SLC11A2: variants seen among roughly 807,000 people sequenced by gnomAD.
The protein encoded by SLC11A2 is solute carrier family 11 member 2.
Under a neutral mutation model 68.0 loss-of-function variants are expected in SLC11A2, and 38 were observed. That is an observed-to-expected ratio of 0.56 (90% CI 0.43 to 0.73). The LOEUF (loss-of-function observed/expected upper bound fraction) is 0.73. Among genes scored for constraint, SLC11A2 ranks in the 30% least tolerant of loss-of-function variants. SLC11A2 has a pLI of 0.00. For missense variants in SLC11A2, 517 were observed against 690.5 expected (o/e 0.75, Z 2.82); for synonymous variants, 242 against 250.6 (o/e 0.97, Z 0.32).
intron 1 of SLC11A2, among the ~76,000 whole-genome samples, chr12:51,015,952 T>C (rs1209464391): frequency 5.3e-5 from 8 of 152,166 alleles, no homozygotes; most frequent in Admixed American, 5.2e-4. Context: ...GCCCGGCTAA[T>C]TTTTGTATTT....
In SLC11A2 at chr12:51,005,435, T is replaced by C. The variant is rs752318995; in HGVS notation, c.185A>G (p.Tyr62Cys). ...NEKISIPEEEYSCFSFRKLWA... is the reference protein window; with the variant it reads ...NEKISIPEEECSCFSFRKLWA... ...GAGTTTACGAAAGCTAAAACAAGAG[T>C]ACTGTACAAGAGAGGAAAAGAGATT... Residue 62 changes from tyrosine (Y) to cysteine (C), a missense_variant and splice_region_variant, in exon 4 of 16, where the codon TAC (tyrosine) becomes TGC (cysteine). Transcript: ENST00000262052. The C allele has an allele frequency of 1.2e-6, 2 of 1,613,362 alleles. No individual in the cohort carries two copies. The highest frequency in any genetic ancestry group is 1.7e-5 in the Admixed American group (1 of 59,932).
At chr12:50,982,982 A>C (rs1480612858), downstream of SLC11A2, among the ~76,000 whole-genome samples, 1 of 150,928 alleles carries the variant, frequency 6.6e-6, no homozygotes, top group Non-Finnish European at 1.5e-5. Flanking sequence ...CTCCACTCCT[A>C]AAGAACTGAG....
intron 3 of SLC11A2, 195 bp downstream of exon 3, chr12:51,008,281 G>GACAT (rs201140421): frequency 0.066 from 34,901 of 530,970 alleles, 2,700 homozygotes; most frequent in East Asian, 0.27. Flanking sequence ...CAGACAGACA[G>GACAT]AGATAGATAG....
intron 5 of SLC11A2, among the ~76,000 whole-genome samples, chr12:51,003,760 T>G (rs1592374045): frequency 8.9e-6 from 1 of 112,510 alleles, no homozygotes; most frequent in South Asian, 2.7e-4. Flanking sequence ...ATACCTCATC[T>G]CCACAAAAAA....
Position 50,986,013 on chromosome 12 carries a change from T to A in SLC11A2, c.*2312A>T, listed in dbSNP as rs754201482. 24 of 1,159,760 alleles carry A rather than the reference T, an allele frequency of 2.1e-5. No homozygotes were observed. The highest frequency in any genetic ancestry group is 1.3e-4 in the Admixed American group (3 of 23,968). 71.8% of individuals were successfully genotyped at this position (1,159,760 alleles called of 1,614,324 possible). ...CAAATTGGAAAAAGAAATTTTTTTT[T>A]AATTAGAAACCAAGTTTACATACGG... On this transcript the variant is annotated 3_prime_UTR_variant, in exon 16 of 16. Coordinates refer to ENST00000262052, the MANE Select transcript of SLC11A2 (RefSeq NM_000617.3).
rs1308502648 is a variant in SLC11A2, at chr12:50,987,743, A to G, written c.*582T>C. 2 of 1,287,030 alleles carry G rather than the reference A, an allele frequency of 1.6e-6. No individual in the cohort carries two copies. The highest frequency in any genetic ancestry group is 2.0e-6 in the Non-Finnish European group (2 of 988,674). The allele number at this position is 1,287,030 out of a possible 1,614,324, so 79.7% of individuals were successfully genotyped here. The stretch of plus-strand genomic sequence containing the variant: ...CTCACCCCTCTTAACTTCCACTGAG[A>G]AATTAAAGTGGAAATAAGTTCAAAG... On this transcript the variant is annotated 3_prime_UTR_variant, in exon 16 of 16. Coordinates refer to ENST00000262052, the MANE Select transcript of SLC11A2 (RefSeq NM_000617.3).
At chr12:50,967,769 A>G in the SLC11A2 span, among the ~76,000 whole-genome samples, 1 of 152,156 alleles carries the variant, frequency 6.6e-6, no homozygotes, top group Non-Finnish European at 1.5e-5. Flanking sequence ...TCTAATTCCA[A>G]ACTGTATCAG....
At chr12:50,964,384 T>A in the SLC11A2 span, among the ~76,000 whole-genome samples, 2 of 152,244 alleles carry the variant, frequency 1.3e-5, no homozygotes, top group South Asian at 4.1e-4. Context: ...ACCTGGATTA[T>A]TAGGCATCCT....
chr12:50,992,053 T>C, intron 13 of SLC11A2, 137 bp downstream of exon 13: 1 of 869,058 alleles, frequency 1.2e-6, no homozygotes, highest in Non-Finnish European at 1.9e-6. Context: ...GGATTTCATA[T>C]ACATTTACTG....
intron 1 of SLC11A2, chr12:51,025,583 G>A (rs1944326445): frequency 4.8e-6 from 1 of 209,748 alleles, no homozygotes; most frequent in South Asian, 1.7e-4. Flanking sequence ...TATAATTTTT[G>A]CTTTTGCAAG....
Position 50,986,928 on chromosome 12 carries a change from G to A in SLC11A2, c.*1397C>T, listed in dbSNP as rs1056647247. On this transcript the variant is annotated 3_prime_UTR_variant, in exon 16 of 16. Transcript: ENST00000262052. ...CACCAATCAGCCAGGACTCTGGAAG[G>A]AAAGCTCCAAAAATGAGAAGTCCTT... 9 of 1,287,036 alleles carry A rather than the reference G, an allele frequency of 7.0e-6. No individual in the cohort carries two copies. The African/African-American group carries it at 1.4e-4, about 20-fold the overall frequency. 79.7% of individuals were successfully genotyped at this position (1,287,036 alleles called of 1,614,324 possible).
chr12:51,013,604 G>C (rs1414281489), intron 1 of SLC11A2, among the ~76,000 whole-genome samples: 1 of 151,800 alleles, frequency 6.6e-6, no homozygotes, highest in Non-Finnish European at 1.5e-5. Flanking sequence ...CCTGGGCGTG[G>C]TAGTGCATGT....
intron 1 of SLC11A2, among the ~76,000 whole-genome samples, chr12:51,015,018 AGCGT>A (rs1342121292): frequency 6.6e-6 from 1 of 150,554 alleles, no homozygotes; most frequent in Non-Finnish European, 1.5e-5. Flanking sequence ...AAAGTTAGCC[AGCGT>A]GGTGGCGCAT....
intron 3 of SLC11A2, 83 bp from the exon 4 acceptor site, chr12:51,005,519 A>G: frequency 6.3e-7 from 1 of 1,594,640 alleles, no homozygotes; most frequent in Non-Finnish European, 8.6e-7. Context: ...ATATGAAGCA[A>G]CAAAATCCAG....
At position 51,026,303 on chromosome 12, in the gene SLC11A2, C is replaced by A. The variant is rs1235696372; in HGVS notation, c.-39+7G>T. On this transcript the variant is annotated splice_region_variant and intron_variant, in intron 1 of 15. Coordinates refer to ENST00000262052, the MANE Select transcript of SLC11A2 (RefSeq NM_000617.3). ...TGCCGTGACCCCTGACCTTGCCTTC[C>A]CCTCACCTTACCAGCTCCGCAACCA... 2.4e-6 allele frequency: 3 copies of A among 1,260,584 alleles called. No homozygotes were observed. The highest frequency in any genetic ancestry group is 3.1e-6 in the Non-Finnish European group (3 of 965,380). 78.1% of individuals were successfully genotyped at this position (1,260,584 alleles called of 1,614,324 possible). A position where few individuals can be genotyped will look rare whatever the true frequency, so the allele number is the denominator to read the frequency against.
intron 8 of SLC11A2, among the ~76,000 whole-genome samples, chr12:50,998,748 A>G (rs1012865566): frequency 1.3e-5 from 2 of 152,240 alleles, no homozygotes; most frequent in Non-Finnish European, 1.5e-5. Context: ...TATATTTCAT[A>G]TAATTCATTA....
At chr12:50,963,758 T>C in the SLC11A2 span, among the ~76,000 whole-genome samples, 1 of 152,194 alleles carries the variant, frequency 6.6e-6, no homozygotes, top group Non-Finnish European at 1.5e-5. Context: ...CTAAATCTCA[T>C]ACAGGATGTC....
At chr12:51,025,543 G>A (rs1173556979) in intron 1 of SLC11A2, 1 of 160,494 alleles carries the variant, frequency 6.2e-6, no homozygotes, top group East Asian at 1.9e-4. Flanking sequence ...GTTTTTAGAA[G>A]CCTATCTCCC....
intron 1 of SLC11A2, among the ~76,000 whole-genome samples, chr12:51,013,289 CTTTT>C (rs10588295): frequency 2.0e-3 from 260 of 130,932 alleles, no homozygotes; most frequent in African/African-American, 2.6e-3. Context: ...AATTAAATTG[CTTTT>C]TTTTTTTTTT....
Sources: gnomAD v4.1 joint callset for allele counts (sites outside exome capture counted in the v4.1 genomes callset) on GRCh38, gnomAD v4.1.1 for gene constraint, MANE v1.5 for transcripts, NCBI Gene and HGNC (gene_info 2026-07-23, HGNC 2026-07-21) for gene names.